The following SH3YL1 variants were observed in gnomAD, a reference collection of about 807,000 sequenced individuals.
SH3YL1 encodes SH3 and SYLF domain containing 1.
In SH3YL1, 41 loss-of-function variants were observed where a neutral mutation model predicts 45.8. The ratio of observed to expected loss-of-function variants is 0.89; its 90% CI spans 0.70 to 1.16. The LOEUF (loss-of-function observed/expected upper bound fraction) is 1.16, where lower values mean the gene tolerates loss of function less well. Among genes scored for constraint, SH3YL1 ranks in the 50% most tolerant of loss-of-function variants. The pLI, the probability that SH3YL1 is intolerant of heterozygous loss-of-function variation, is 0.00. For synonymous variants in SH3YL1, 152 were observed against 151.4 expected, an observed-to-expected ratio of 1.00 and a Z score of -0.03; for missense variants, 389 against 409.6, an observed-to-expected ratio of 0.95 and a Z score of 0.43.
chr2:232,104 A>G (rs1202945641), intron 6 of SH3YL1, among the ~76,000 whole-genome samples: 1 of 151,940 alleles, frequency 6.6e-6, no homozygotes, highest in Non-Finnish European at 1.5e-5. Flanking sequence ...TTAGCTCTTT[A>G]TCTCTTTCTG....
rs369756367 is a variant in SH3YL1 at position 223,180 on chromosome 2, G to C, written c.838+1684C>G. ...AGTGATGTTCCCTTTGGGTCCCACA[G>C]CTGGTAAGTGAAAGTACGGGGGTTC... On this transcript the variant is annotated intron_variant, in intron 9 of 9. Coordinates refer to ENST00000356150, the MANE Select transcript of SH3YL1 (RefSeq NM_015677.4). Among the ~76,000 whole-genome samples the C allele has an allele frequency of 2.0e-4, 31 of 152,316 alleles. 1 individual carries two copies. The South Asian group carries it at 6.4e-3, about 32-fold the overall frequency.
At chr2:241,880 C>G (rs1408622957) in intron 4 of SH3YL1, 1 of 151,850 alleles carries the variant, frequency 6.6e-6, no homozygotes, top group African/African-American at 2.4e-5. Flanking sequence ...CTAGTAGAAC[C>G]ATTTTACAAG....
chr2:243,862 T>C (rs1054992329), intron 4 of SH3YL1, among the ~76,000 whole-genome samples: 2 of 152,182 alleles, frequency 1.3e-5, no homozygotes, highest in African/African-American at 4.8e-5. Flanking sequence ...CTACCTTGTA[T>C]AGTGCCCTAA....
intron 5 of SH3YL1, 79 bp from the exon 6 acceptor site, chr2:233,308 T>C: frequency 7.5e-7 from 1 of 1,325,656 alleles, no homozygotes. Flanking sequence ...GCACTCCTTC[T>C]AGCTCAAATG....
intron 1 of SH3YL1, chr2:262,517 C>T: frequency 8.4e-7 from 1 of 1,189,152 alleles, no homozygotes; most frequent in Admixed American, 2.4e-5. Flanking sequence ...ACATGCCACA[C>T]TGGTCTGATC....
At chr2:237,570 A>C (rs1668362779) in intron 4 of SH3YL1, among the ~76,000 whole-genome samples, 1 of 152,134 alleles carries the variant, frequency 6.6e-6, no homozygotes, top group Non-Finnish European at 1.5e-5. Context: ...ATTAAAACTC[A>C]ACTACATAAC....
intron 1 of SH3YL1, among the ~76,000 whole-genome samples, chr2:258,022 T>C (rs1413632094): frequency 6.6e-6 from 1 of 152,212 alleles, no homozygotes; most frequent in East Asian, 1.9e-4. Flanking sequence ...GAGTCTGTTT[T>C]TGTACCATTA....
At chr2:243,008 G>A (rs977191004) in intron 4 of SH3YL1, 14 of 550,218 alleles carry the variant, frequency 2.5e-5, no homozygotes, top group African/African-American at 9.7e-5. Context: ...ACATAATATC[G>A]GAGACCCAAA....
chr2:246,224 A>G (rs2103043372), intron 4 of SH3YL1, among the ~76,000 whole-genome samples: 1 of 152,150 alleles, frequency 6.6e-6, no homozygotes, highest in African/African-American at 2.4e-5. Flanking sequence ...AAGAAAAAAA[A>G]TACTATGTAT....
At chr2:256,764 G>A (rs1317090751) in intron 1 of SH3YL1, 1 of 152,216 alleles carries the variant, frequency 6.6e-6, no homozygotes, top group South Asian at 2.1e-4. Flanking sequence ...GCCAGTTCAT[G>A]TGGTAAATGT....
At position 218,628 on chromosome 2, in the gene SH3YL1, AG is replaced by A. The variant is rs972689798; in HGVS notation, c.*182del. 1.8e-6 allele frequency: 1 copy of A among 560,620 alleles called. No individual in the cohort carries two copies. 34.7% of individuals were successfully genotyped at this position (560,620 alleles called of 1,614,324 possible). A position where few individuals can be genotyped will look rare whatever the true frequency, so the allele number is the denominator to read the frequency against. The stretch of plus-strand genomic sequence containing the variant: ...AGTAAGTGTGATAAAGTTAGTACAA[AG>A]TATTTAAAGATATGTCAGTCAGCTC... On this transcript the variant is annotated 3_prime_UTR_variant, in exon 10 of 10. Coordinates refer to ENST00000356150, the MANE Select transcript of SH3YL1 (RefSeq NM_015677.4).
At chr2:254,471 G>A (rs1344861316) in intron 1 of SH3YL1, among the ~76,000 whole-genome samples, 1 of 152,192 alleles carries the variant, frequency 6.6e-6, no homozygotes, top group Non-Finnish European at 1.5e-5. Flanking sequence ...CTACAATTAG[G>A]AGGCACATGC....
chr2:247,662 A>AG, intron 3 of SH3YL1, 60 bp from the exon 4 acceptor site: 1 of 1,340,318 alleles, frequency 7.5e-7, no homozygotes, highest in South Asian at 1.3e-5. Context: ...ATGTAAATAT[A>AG]GGAAGGAAAA....
intron 1 of SH3YL1, among the ~76,000 whole-genome samples, 172 bp from the exon 2 acceptor site, chr2:253,287 CAGA>C (rs907961468): frequency 6.6e-5 from 10 of 152,122 alleles, no homozygotes; most frequent in African/African-American, 1.9e-4. Flanking sequence ...GCTGCATTCC[CAGA>C]AGGTTAGGCA....
At chr2:238,808 CTCTT>C (rs1668416765) in intron 4 of SH3YL1, among the ~76,000 whole-genome samples, 1 of 152,204 alleles carries the variant, frequency 6.6e-6, no homozygotes. Flanking sequence ...TAATCTCTCT[CTCTT>C]TACCACAAAA....
chr2:243,561 G>A (rs1312659103), intron 4 of SH3YL1: 1 of 1,478,466 alleles, frequency 6.8e-7, no homozygotes, highest in Admixed American at 2.3e-5. Flanking sequence ...CTGTAAATGT[G>A]TCTATTAAAA....
At chr2:242,738 C>CAAG (rs2103038730) in intron 4 of SH3YL1, 3 of 1,475,814 alleles carry the variant, frequency 2.0e-6, no homozygotes, top group Non-Finnish European at 2.7e-6. Context: ...ACAATAACAA[C>CAAG]AACAACAACA....
chr2:231,323 A>G (rs1668034349), intron 6 of SH3YL1, 132 bp from the exon 7 acceptor site: 3 of 697,002 alleles, frequency 4.3e-6, no homozygotes, highest in Non-Finnish European at 7.0e-6. Context: ...ACTACTTTTT[A>G]AACACTAACT....
intron 9 of SH3YL1, among the ~76,000 whole-genome samples, chr2:223,453 CAAG>C (rs1386432119): frequency 2.0e-5 from 3 of 152,152 alleles, no homozygotes; most frequent in African/African-American, 4.8e-5. Flanking sequence ...CTGACCTTGT[CAAG>C]TTTAGGAGCA....
Sources: gnomAD v4.1 joint callset for allele counts (sites outside exome capture counted in the v4.1 genomes callset) on GRCh38, gnomAD v4.1.1 for gene constraint, MANE v1.5 for transcripts, NCBI Gene and HGNC (gene_info 2026-07-23, HGNC 2026-07-21) for gene names.